Variants in YY1 observed in about 807,000 individuals in gnomAD.
YY1 encodes transcriptional repressor protein YY1.
In YY1, 2 loss-of-function variants were observed where a neutral mutation model predicts 35.6. The ratio of observed to expected loss-of-function variants is 0.06; its 90% CI spans 0.02 to 0.18. The LOEUF is 0.18. Ranked by LOEUF, YY1 falls within the 10% of genes least tolerant of loss-of-function variation. The pLI, the probability that YY1 is intolerant of heterozygous loss-of-function variation, is 1.00. For missense variants in YY1, 322 were observed against 573.4 expected, an observed-to-expected ratio of 0.56 and a Z score of 4.48; for synonymous variants, 268 against 238.9, an observed-to-expected ratio of 1.12 and a Z score of -1.12.
At position 100,270,949 on chromosome 14, in the gene YY1, TA is replaced by T. The variant is rs902280734; in HGVS notation, c.843-3737del. On this transcript the variant is annotated intron_variant, in intron 2 of 4. Coordinates refer to ENST00000262238, the MANE Select transcript of YY1 (RefSeq NM_003403.5). ...ACTCTTAATTGGGAACATTAAAACT[TA>T]AAAAAAAAAAATAGGCTGGGCGCGG... Among the ~76,000 whole-genome samples the T allele has an allele frequency of 2.2e-3, 319 of 145,258 alleles. 1 individual carries two copies. The highest frequency in any genetic ancestry group is 3.5e-3 in the Middle Eastern group (1 of 282).
intron 2 of YY1, among the ~76,000 whole-genome samples, chr14:100,266,317 C>T (rs1193937229): frequency 6.6e-6 from 1 of 152,058 alleles, no homozygotes; most frequent in Admixed American, 6.5e-5. Context: ...GAAGGAGACT[C>T]AGGAGGTACG....
At chr14:100,252,121 T>C (rs1206957414) in intron 1 of YY1, among the ~76,000 whole-genome samples, 1 of 152,202 alleles carries the variant, frequency 6.6e-6, no homozygotes, top group Non-Finnish European at 1.5e-5. Flanking sequence ...GAAAACCACT[T>C]TGCTTGGAGC....
chr14:100,249,614 C>T (rs1890890688), intron 1 of YY1, among the ~76,000 whole-genome samples: 1 of 152,040 alleles, frequency 6.6e-6, no homozygotes, highest in African/African-American at 2.4e-5. Flanking sequence ...TACCAAAATA[C>T]TATTTTGGTC....
At chr14:100,255,971 G>T (rs1429968458) in intron 1 of YY1, among the ~76,000 whole-genome samples, 1 of 151,872 alleles carries the variant, frequency 6.6e-6, no homozygotes, top group African/African-American at 2.4e-5. Context: ...TGTCTTTCTG[G>T]GGCTTTCAAT....
At chr14:100,266,075 A>C (rs1891149933) in intron 2 of YY1, among the ~76,000 whole-genome samples, 1 of 152,106 alleles carries the variant, frequency 6.6e-6, no homozygotes, top group Non-Finnish European at 1.5e-5. Context: ...GTAGAAGCAA[A>C]AGTGGAAACC....
chr14:100,252,724 T>C (rs1252172751), intron 1 of YY1, among the ~76,000 whole-genome samples: 1 of 152,322 alleles, frequency 6.6e-6, no homozygotes, highest in East Asian at 1.9e-4. Flanking sequence ...AATTGTAAAC[T>C]TAAGTTATAT....
At chr14:100,255,596 G>T (rs937388515) in intron 1 of YY1, among the ~76,000 whole-genome samples, 1 of 152,186 alleles carries the variant, frequency 6.6e-6, no homozygotes, top group Non-Finnish European at 1.5e-5. Context: ...TCCAACCTGG[G>T]GGGGACAGAG....
Position 100,239,469 on chromosome 14 carries a change from T to TCAC in YY1, c.239_241dup (p.His80dup), listed in dbSNP as rs753530895. The stretch of plus-strand genomic sequence containing the variant: ...ACGCCGGCCACCACCACCACCACCA[T>TCAC]CACCACCACCACCACCCGCCCATGA... On this transcript the variant is annotated inframe_insertion, in exon 1 of 5. Coordinates refer to ENST00000262238, the MANE Select transcript of YY1 (RefSeq NM_003403.5). 2.6e-5 allele frequency: 42 copies of TCAC among 1,592,778 alleles called. No homozygotes were observed. The highest frequency in any genetic ancestry group is 1.7e-4 in the South Asian group (15 of 90,110).
intron 2 of YY1, among the ~76,000 whole-genome samples, chr14:100,270,538 G>A (rs149423665): frequency 3.3e-5 from 5 of 151,390 alleles, no homozygotes; most frequent in African/African-American, 7.3e-5. Context: ...CAGGAGAATC[G>A]CTTGAACCCA....
At chr14:100,272,640 T>C (rs1446188299) in intron 2 of YY1, among the ~76,000 whole-genome samples, 2 of 150,532 alleles carry the variant, frequency 1.3e-5, no homozygotes, top group African/African-American at 4.9e-5. Context: ...TAGGTGGGCT[T>C]TTTTTTTTTC....
chr14:100,239,164 C>T lies in YY1; in HGVS notation c.-81C>T. The T allele has an allele frequency of 7.7e-7, 1 of 1,301,038 alleles. No homozygotes were observed. Among genetic ancestry groups the T allele is most frequent in the East Asian group, 3.2e-5 (1 of 31,454 alleles). 80.6% of individuals were successfully genotyped at this position (1,301,038 alleles called of 1,614,324 possible). ...CCTTCCTCCCTCTGCCTTCCTTCCC[C>T]ACGGCCGGCCGCCTCCTCGCCCGCC... On this transcript the variant is annotated 5_prime_UTR_variant, in exon 1 of 5. Transcript: ENST00000262238.
chr14:100,248,504 T>A (rs1018186772), intron 1 of YY1, among the ~76,000 whole-genome samples: 9 of 151,584 alleles, frequency 5.9e-5, no homozygotes, highest in African/African-American at 1.5e-4. Context: ...AAAAAAAAAT[T>A]TTTTTGAGAC....
chr14:100,242,067 A>C (rs1214842802), intron 1 of YY1, among the ~76,000 whole-genome samples: 1 of 151,630 alleles, frequency 6.6e-6, no homozygotes. Context: ...TCAGAATACG[A>C]TTTGAAATAA....
In YY1 at chr14:100,239,345, A is replaced by G; in HGVS notation, c.101A>G (p.Glu34Gly). 1 of 1,603,772 alleles carries G rather than the reference A, an allele frequency of 6.2e-7. No homozygotes were observed. Among genetic ancestry groups the G allele is most frequent in the Non-Finnish European group, 8.5e-7 (1 of 1,175,984 alleles). Residue 34 changes from glutamate (E) to glycine (G), a missense_variant, in exon 1 of 5, where the codon GAG becomes GGG. Physicochemically the swap from Glu to Gly is moderately conservative, Grantham distance 98 (BLOSUM62 -2). Coordinates refer to ENST00000262238, the MANE Select transcript of YY1 (RefSeq NM_003403.5). ...HEIEVETIPV[E>G]TIETTVVGEE... ...ATCGAGGTGGAGACCATCCCGGTGG[A>G]GACCATCGAGACCACAGTGGTGGGC... is the stretch of plus-strand genomic sequence containing the variant.
At chr14:100,245,847 TC>T (rs1323553124) in intron 1 of YY1, among the ~76,000 whole-genome samples, 6 of 152,132 alleles carry the variant, frequency 3.9e-5, no homozygotes, top group African/African-American at 1.4e-4. Context: ...CTTCAGGTGA[TC>T]CACCCACCCC....
In YY1 at chr14:100,278,707, C is replaced by T. The variant is rs1891363543; in HGVS notation, c.*1107C>T. On this transcript the variant is annotated 3_prime_UTR_variant, in exon 5 of 5. Transcript: ENST00000262238. ...ACAGGCATCCCGAGTTCAGGAACTA[C>T]CTCAGAACACCCCAGGCCAGGTTGG... 1 of 152,278 alleles carries T rather than the reference C, an allele frequency of 6.6e-6. No homozygotes were observed. Among genetic ancestry groups the T allele is most frequent in the Non-Finnish European group, 1.5e-5 (1 of 68,062 alleles). The allele number at this position is 152,278 out of a possible 1,614,324, so 9.4% of individuals were successfully genotyped here.
rs1891295005 is a variant in YY1, at chr14:100,274,685, T to C, written c.843-13T>C. The C allele has an allele frequency of 1.2e-6, 2 of 1,612,302 alleles. No homozygotes were observed. The highest frequency in any genetic ancestry group is 8.5e-7 in the Non-Finnish European group (1 of 1,178,356). ...CCTACAAATCTGTCTGTCTCTCTTT[T>C]TCTTTTGATAAGAATGAAGCCAAGA... On this transcript the variant is annotated splice_polypyrimidine_tract_variant and intron_variant, in intron 2 of 4. Transcript: ENST00000262238.
intron 1 of YY1, among the ~76,000 whole-genome samples, chr14:100,249,118 TTTTTTTTTTTTTTTTTTG>T (rs1890883100): frequency 8.2e-6 from 1 of 122,202 alleles, no homozygotes; most frequent in African/African-American, 3.7e-5. Flanking sequence ...TTTTTTTTTT[TTTTTTTTTTTTTTTTTTG>T]GGAGACAGAG....
intron 1 of YY1, among the ~76,000 whole-genome samples, chr14:100,261,859 G>A (rs543884133): frequency 1.7e-4 from 26 of 152,290 alleles, no homozygotes; most frequent in Non-Finnish European, 3.2e-4. Flanking sequence ...GTGAAAAGCC[G>A]AAATCTAGGC....
Sources: allele counts gnomAD v4.1 joint callset (sites outside exome capture counted in the v4.1 genomes callset), GRCh38; gene constraint gnomAD v4.1.1; transcripts MANE v1.5; gene names NCBI Gene and HGNC (gene_info 2026-07-23, HGNC 2026-07-21).